Variants in SGMS1 observed in about 807,000 individuals in gnomAD.
SGMS1 encodes the protein phosphatidylcholine:ceramide cholinephosphotransferase 1.
SGMS1 carries 13 observed loss-of-function variants against 46.2 expected under a neutral mutation model. That is an observed-to-expected ratio of 0.28 (90% CI 0.18 to 0.45). The LOEUF is 0.45. SGMS1 is among the 20% of genes least tolerant of loss of function. The pLI is 1.00. For missense variants in SGMS1, 324 were observed against 519.9 expected (o/e 0.62, Z 3.66); for synonymous variants, 203 against 187.8 (o/e 1.08, Z -0.66).
At chr10:50,451,063 C>T (rs1837103194) in intron 5 of SGMS1, among the ~76,000 whole-genome samples, 1 of 151,954 alleles carries the variant, frequency 6.6e-6, no homozygotes, top group East Asian at 1.9e-4. Context: ...TCCTTAGAAA[C>T]TATTTCCAAT....
chr10:50,417,720 T>C (rs937931680), intron 6 of SGMS1, among the ~76,000 whole-genome samples: 4 of 152,148 alleles, frequency 2.6e-5, no homozygotes, highest in African/African-American at 4.8e-5. Flanking sequence ...GTAGACACAA[T>C]CCCGTTCTCT....
At chr10:50,541,562 C>T (rs989348692) in intron 2 of SGMS1, among the ~76,000 whole-genome samples, 2 of 152,168 alleles carry the variant, frequency 1.3e-5, no homozygotes, top group Admixed American at 1.3e-4. Flanking sequence ...AAACACCTAG[C>T]TCAGCTTGCC....
chr10:50,467,954 C>T (rs1837345328), intron 3 of SGMS1, among the ~76,000 whole-genome samples: 1 of 152,052 alleles, frequency 6.6e-6, no homozygotes, highest in African/African-American at 2.4e-5. Flanking sequence ...GAAGGGCCTT[C>T]CTGTTGTCCA....
chr10:50,593,655 G>A (rs144252850), intron 1 of SGMS1, among the ~76,000 whole-genome samples: 136 of 152,066 alleles, frequency 8.9e-4, no homozygotes, highest in African/African-American at 3.2e-3. Context: ...CCACATATGT[G>A]CTATCAATAT....
chr10:50,418,905 C>T (rs531169964), intron 6 of SGMS1, among the ~76,000 whole-genome samples: 13 of 152,226 alleles, frequency 8.5e-5, no homozygotes, highest in South Asian at 8.3e-4. Context: ...CTGCTGTGTC[C>T]GTTACCCCGC....
intron 5 of SGMS1, among the ~76,000 whole-genome samples, chr10:50,456,788 G>A (rs916917793): frequency 2.0e-5 from 3 of 152,150 alleles, no homozygotes; most frequent in Admixed American, 2.0e-4. Flanking sequence ...GATTTGAGAA[G>A]TTTCATCTAA....
chr10:50,403,742 C>A (rs1418603834), intron 6 of SGMS1, among the ~76,000 whole-genome samples: 2 of 148,970 alleles, frequency 1.3e-5, no homozygotes, highest in South Asian at 2.2e-4. Context: ...GGAAGGACAC[C>A]AACATCTAGT....
At chr10:50,475,438 CT>C (rs1250291438) in intron 3 of SGMS1, among the ~76,000 whole-genome samples, 1 of 152,150 alleles carries the variant, frequency 6.6e-6, no homozygotes, top group African/African-American at 2.4e-5. Flanking sequence ...TCAAAAATTA[CT>C]CTTTAGCAGT....
At chr10:50,564,865 T>C (rs2131846960) in intron 2 of SGMS1, among the ~76,000 whole-genome samples, 1 of 152,282 alleles carries the variant, frequency 6.6e-6, no homozygotes, top group East Asian at 1.9e-4. Context: ...GTTACATATG[T>C]ATACATCAGA....
intron 8 of SGMS1, 100 bp from the exon 9 acceptor site, chr10:50,311,515 A>T (rs1398578440): frequency 1.4e-5 from 17 of 1,251,534 alleles, no homozygotes; most frequent in Non-Finnish European, 1.7e-5. Flanking sequence ...GCTTATATTA[A>T]GAAACATAAA....
At chr10:50,437,614 T>A (rs1564913483) in intron 5 of SGMS1, among the ~76,000 whole-genome samples, 2 of 152,106 alleles carry the variant, frequency 1.3e-5, no homozygotes, top group Non-Finnish European at 2.9e-5. Context: ...CCTACTGATG[T>A]CTGAAGAAAA....
intron 6 of SGMS1, among the ~76,000 whole-genome samples, chr10:50,369,505 A>G (rs184277117): frequency 3.5e-4 from 54 of 152,280 alleles, no homozygotes; most frequent in Middle Eastern, 3.4e-3. Flanking sequence ...CTGAAAAAGT[A>G]AAATAAAAAT....
chr10:50,550,470 G>T (rs189714634), intron 2 of SGMS1, among the ~76,000 whole-genome samples: 12 of 152,258 alleles, frequency 7.9e-5, no homozygotes, highest in Admixed American at 3.9e-4. Context: ...CTGCCAAAGA[G>T]AGTTAACATG....
intron 3 of SGMS1, among the ~76,000 whole-genome samples, chr10:50,503,623 G>T (rs1359029707): frequency 6.6e-6 from 1 of 152,190 alleles, no homozygotes; most frequent in African/African-American, 2.4e-5. Flanking sequence ...GACTCAGCCC[G>T]CCTGCACCCA....
chr10:50,341,850 T>G (rs1847826401), intron 7 of SGMS1, among the ~76,000 whole-genome samples: 1 of 152,218 alleles, frequency 6.6e-6, no homozygotes, highest in South Asian at 2.1e-4. Context: ...TTGGGAAAAT[T>G]GTAATTATTA....
Position 50,495,111 on chromosome 10 carries a change from G to A in SGMS1, c.-498+24720C>T, listed in dbSNP as rs566270879. 1.3e-4 allele frequency among the ~76,000 whole-genome samples: 17 copies of A among 133,984 alleles called. No homozygotes were observed. In the South Asian group the frequency reaches 3.3e-3, roughly 26 times the overall value. 87.9% of individuals were successfully genotyped at this position (133,984 alleles called of 152,430 possible). A position where few individuals can be genotyped will look rare whatever the true frequency, so the allele number is the denominator to read the frequency against. ...AAATTAGCCGGACGTGCTTGCAGGCGCCTGTAGTCCCAGCTACTTGGGAGG... is the reference window on the plus strand; with the variant it reads ...AAATTAGCCGGACGTGCTTGCAGGCACCTGTAGTCCCAGCTACTTGGGAGG... On this transcript the variant is annotated intron_variant, in intron 3 of 10. Transcript: ENST00000361781.
At chr10:50,467,432 C>T (rs1837340557) in intron 3 of SGMS1, among the ~76,000 whole-genome samples, 1 of 152,162 alleles carries the variant, frequency 6.6e-6, no homozygotes, top group Admixed American at 6.6e-5. Context: ...ATAAATAACT[C>T]TAACCCACAT....
intron 1 of SGMS1, among the ~76,000 whole-genome samples, chr10:50,613,058 T>G (rs1046553617): frequency 2.0e-5 from 3 of 152,230 alleles, no homozygotes; most frequent in African/African-American, 7.2e-5. Flanking sequence ...TGACCACTTA[T>G]AGCACACATC....
intron 5 of SGMS1, among the ~76,000 whole-genome samples, chr10:50,447,544 A>G (rs1424709664): frequency 6.6e-6 from 1 of 152,166 alleles, no homozygotes; most frequent in African/African-American, 2.4e-5. Flanking sequence ...TAAGAAAAAA[A>G]TTATTTTATT....
Sources: allele counts gnomAD v4.1 joint callset (sites outside exome capture counted in the v4.1 genomes callset), GRCh38; gene constraint gnomAD v4.1.1; transcripts MANE v1.5; gene names NCBI Gene and HGNC (gene_info 2026-07-23, HGNC 2026-07-21).